SORBS2: variants seen among roughly 807,000 people sequenced by gnomAD.
The protein encoded by SORBS2 is sorbin and SH3 domain containing 2.
In SORBS2, 46 loss-of-function variants were observed where a neutral mutation model predicts 97.7. The observed-to-expected ratio is 0.47, with a 90% CI of 0.37 to 0.60. SORBS2 has a LOEUF of 0.60. SORBS2 is among the 20% of genes least tolerant of loss of function. The pLI, the probability that SORBS2 is intolerant of heterozygous loss-of-function variation, is 0.00. For synonymous variants in SORBS2, 476 were observed against 473.4 expected (o/e 1.01, Z -0.07); for missense variants, 1,316 against 1,282.3 (o/e 1.03, Z -0.40).
chr4:185,920,265 A>G (rs1302022614), intron 1 of SORBS2, among the ~76,000 whole-genome samples: 1 of 152,152 alleles, frequency 6.6e-6, no homozygotes, highest in African/African-American at 2.4e-5. Flanking sequence ...GTGAGCTCCT[A>G]TTTTGTGTGC....
rs542146591 is a variant in SORBS2, at chr4:185,642,351, A to AT, written c.396+4316dup. Among the ~76,000 whole-genome samples the AT allele has an allele frequency of 4.1e-3, 615 of 149,060 alleles. 1 individual carries two copies. Among genetic ancestry groups the AT allele is most frequent in the African/African-American group, 9.3e-3 (380 of 40,710 alleles). On this transcript the variant is annotated intron_variant, in intron 4 of 14. Coordinates refer to ENST00000418609, the Ensembl canonical transcript of SORBS2. Reference sequence around the variant, plus strand: ...GTAGGTTAGGGTAACATTTTCATATATTTTTTTTTTACTTTATCAAGCATA... The same window carrying AT: ...GTAGGTTAGGGTAACATTTTCATATATTTTTTTTTTTACTTTATCAAGCATA...
intron 2 of SORBS2, among the ~76,000 whole-genome samples, chr4:185,692,138 A>T (rs1163164726): frequency 6.6e-6 from 1 of 152,192 alleles, no homozygotes; most frequent in African/African-American, 2.4e-5. Flanking sequence ...AAGAGGAAAG[A>T]CACGCTGATA....
At chr4:185,687,816 T>G (rs2097999081) in intron 2 of SORBS2, among the ~76,000 whole-genome samples, 1 of 152,224 alleles carries the variant, frequency 6.6e-6, no homozygotes, top group African/African-American at 2.4e-5. Flanking sequence ...GAATGATCTA[T>G]TATATTGTGT....
At chr4:185,743,817 C>G (rs547147839) in intron 2 of SORBS2, among the ~76,000 whole-genome samples, 18 of 149,706 alleles carry the variant, frequency 1.2e-4, no homozygotes, top group Non-Finnish European at 2.1e-4. Flanking sequence ...CTCCTTCTTC[C>G]TCTTCTTCTA....
chr4:185,690,545 A>G lies in SORBS2; in HGVS notation c.-197-11723T>C. 1.3e-6 allele frequency: 2 copies of G among 1,506,838 alleles called. No homozygotes were observed. The highest frequency in any genetic ancestry group is 1.8e-6 in the Non-Finnish European group (2 of 1,114,778). 93.3% of individuals were successfully genotyped at this position (1,506,838 alleles called of 1,614,324 possible). ...GAGAGCAAGGCTAAAAGAGTTTAAA[A>G]CTAACAGACAGCATACCTGTGTTCA... On this transcript the variant is annotated intron_variant, in intron 2 of 20. Coordinates refer to the SORBS2 transcript ENST00000284776.
exon 7 of SORBS2, chr4:185,624,245 T>A: frequency 6.2e-7 from 1 of 1,614,222 alleles, no homozygotes; most frequent in East Asian, 2.2e-5. Flanking sequence ...GCTATCGCAG[T>A]CGTCGTTTAG....
chr4:185,677,478 T>C (rs1157476678), intron 4 of SORBS2: 4 of 1,551,870 alleles, frequency 2.6e-6, no homozygotes, highest in Middle Eastern at 1.7e-4. Context: ...CGAATCTTCA[T>C]TGGAATACAT....
At chr4:185,811,762 C>G (rs2099186462) in intron 1 of SORBS2, 1 of 152,284 alleles carries the variant, frequency 6.6e-6, no homozygotes, top group Non-Finnish European at 1.5e-5. Flanking sequence ...TAACAGGAAG[C>G]AGGTAAACCC....
At chr4:185,667,815 C>T (rs935184400) in intron 4 of SORBS2, among the ~76,000 whole-genome samples, 1 of 150,872 alleles carries the variant, frequency 6.6e-6, no homozygotes, top group African/African-American at 2.4e-5. Flanking sequence ...GGGGATGCAT[C>T]CTTATTATTA....
chr4:185,738,997 G>A (rs1264197405), intron 2 of SORBS2, among the ~76,000 whole-genome samples: 2 of 152,244 alleles, frequency 1.3e-5, no homozygotes, highest in African/African-American at 4.8e-5. Context: ...AGGTTCAGCT[G>A]TCAGGGATTC....
At chr4:185,653,351 G>A (rs1197671989) in intron 1 of SORBS2, among the ~76,000 whole-genome samples, 1 of 152,220 alleles carries the variant, frequency 6.6e-6, no homozygotes, top group Non-Finnish European at 1.5e-5. Context: ...GGCTAAAATT[G>A]TAGGTTCCTT....
intron 2 of SORBS2, among the ~76,000 whole-genome samples, chr4:185,708,271 A>T (rs884993): frequency 0.33 from 49,844 of 152,150 alleles, 8,387 homozygotes; most frequent in African/African-American, 0.4. Context: ...TCCTTAAGTT[A>T]ATATCTGTCA....
intron 1 of SORBS2, among the ~76,000 whole-genome samples, chr4:185,825,120 A>G (rs1016098319): frequency 1.3e-5 from 2 of 152,184 alleles, no homozygotes; most frequent in Admixed American, 1.3e-4. Context: ...AGTAATCTAA[A>G]GCAGTTACTG....
intron 1 of SORBS2, among the ~76,000 whole-genome samples, chr4:185,919,140 T>C (rs2099259772): frequency 6.6e-6 from 1 of 152,232 alleles, no homozygotes. Flanking sequence ...TCAAGTTTCC[T>C]CTTTTATGAA....
At chr4:185,792,284 A>G (rs1246906179) in intron 1 of SORBS2, among the ~76,000 whole-genome samples, 1 of 152,200 alleles carries the variant, frequency 6.6e-6, no homozygotes, top group Non-Finnish European at 1.5e-5. Context: ...ACCTGAGGTC[A>G]AGAGTTTGAA....
rs112003218 is a variant in SORBS2 at position 185,948,649 on chromosome 4, C to T, written c.-338+7547G>A. Among the ~76,000 whole-genome samples, 168 of 150,396 alleles carry T rather than the reference C, an allele frequency of 1.1e-3. 1 individual carries two copies. The highest frequency in any genetic ancestry group is 2.7e-3 in the South Asian group (13 of 4,736). ...TCTCCTGCCTCAGCCTCCCAAGTAGCTGGGATTACAGGTGTCCGCCACCAC... is the reference window on the plus strand; with the variant it reads ...TCTCCTGCCTCAGCCTCCCAAGTAGTTGGGATTACAGGTGTCCGCCACCAC... On this transcript the variant is annotated intron_variant, in intron 1 of 20. Coordinates refer to the SORBS2 transcript ENST00000284776.
intron 4 of SORBS2, among the ~76,000 whole-genome samples, chr4:185,667,245 A>G (rs1464602039): frequency 6.6e-6 from 1 of 152,208 alleles, no homozygotes; most frequent in Non-Finnish European, 1.5e-5. Context: ...CAAAGATGGG[A>G]ATGAATGAAG....
rs137891705 is a variant in SORBS2, at chr4:185,803,967, G to T, written c.-337-28601C>A. 3.9e-5 allele frequency among the ~76,000 whole-genome samples: 6 copies of T among 152,196 alleles called. No homozygotes were observed. The East Asian group carries it at 1.2e-3, about 29-fold the overall frequency. On this transcript the variant is annotated intron_variant, in intron 1 of 20. Transcript: ENST00000284776. ...AACTGTCAGACATAACTCATATGTAGTTAAGTTGCTCAGAAGGTTAAATTC... is the reference window on the plus strand; with the variant it reads ...AACTGTCAGACATAACTCATATGTATTTAAGTTGCTCAGAAGGTTAAATTC...
At chr4:185,924,011 T>C (rs1422836485) in intron 1 of SORBS2, among the ~76,000 whole-genome samples, 1 of 152,208 alleles carries the variant, frequency 6.6e-6, no homozygotes, top group Non-Finnish European at 1.5e-5. Context: ...AGCAGATATC[T>C]GTCTCATCTG....
Sources: allele counts gnomAD v4.1 joint callset (sites outside exome capture counted in the v4.1 genomes callset), GRCh38; gene constraint gnomAD v4.1.1; transcripts MANE v1.5; gene names NCBI Gene and HGNC (gene_info 2026-07-23, HGNC 2026-07-21).